Variants in RAB11FIP2 observed in about 807,000 individuals in gnomAD.
RAB11FIP2 encodes rab11 family-interacting protein 2.
Under a neutral mutation model 40.9 loss-of-function variants are expected in RAB11FIP2, and 16 were observed. That is an observed-to-expected ratio of 0.39 (90% CI 0.26 to 0.59). The LOEUF (loss-of-function observed/expected upper bound fraction) is 0.59. Ranked by LOEUF, RAB11FIP2 falls within the 20% of genes least tolerant of loss-of-function variation. The pLI is 0.53. For synonymous variants in RAB11FIP2, 228 were observed against 213.7 expected, an observed-to-expected ratio of 1.07 and a Z score of -0.58; for missense variants, 532 against 606.2, an observed-to-expected ratio of 0.88 and a Z score of 1.28.
At chr10:118,019,780 C>T (rs1463859390) in intron 3 of RAB11FIP2, among the ~76,000 whole-genome samples, 6 of 150,248 alleles carry the variant, frequency 4.0e-5, no homozygotes, top group Non-Finnish European at 8.9e-5. Flanking sequence ...GAGCCGAGAT[C>T]GCGCCACTGC....
intron 3 of RAB11FIP2, among the ~76,000 whole-genome samples, chr10:118,029,005 AAAT>A (rs1014939126): frequency 2.0e-5 from 3 of 152,024 alleles, no homozygotes; most frequent in African/African-American, 7.2e-5. Context: ...AAAAAAACTA[AAAT>A]AATATAGCAC....
intron 3 of RAB11FIP2, among the ~76,000 whole-genome samples, chr10:118,030,865 A>G (rs989162632): frequency 2.6e-5 from 4 of 152,130 alleles, no homozygotes; most frequent in African/African-American, 9.7e-5. Flanking sequence ...AGCTATTATA[A>G]TGAGTATTAG....
intron 3 of RAB11FIP2, among the ~76,000 whole-genome samples, chr10:118,030,165 T>C (rs961434221): frequency 2.6e-5 from 4 of 152,204 alleles, no homozygotes; most frequent in African/African-American, 9.6e-5. Flanking sequence ...TGTTCATTAA[T>C]GGCAATTAGC....
Position 118,006,458 on chromosome 10 carries a change from G to A in RAB11FIP2, c.*2540C>T, listed in dbSNP as rs567933096. 1.3e-5 allele frequency: 2 copies of A among 152,162 alleles called. No homozygotes were observed. The highest frequency in any genetic ancestry group is 4.8e-5 in the African/African-American group (2 of 41,502). 9.4% of individuals were successfully genotyped at this position (152,162 alleles called of 1,614,324 possible). ...ACATATATTTTATTTCCATTTCTAA[G>A]CAACTAACAAAATACATTAGAATAC... On this transcript the variant is annotated 3_prime_UTR_variant, in exon 5 of 5. Transcript: ENST00000355624.
chr10:118,018,232 T>C (rs556532732), intron 3 of RAB11FIP2: 4 of 152,202 alleles, frequency 2.6e-5, no homozygotes, highest in Non-Finnish European at 4.4e-5. Context: ...CTGTCCTTAA[T>C]GGGGAAAAAA....
intron 4 of RAB11FIP2, among the ~76,000 whole-genome samples, chr10:118,011,305 T>C (rs891468382): frequency 2.0e-5 from 3 of 152,026 alleles, no homozygotes; most frequent in Admixed American, 6.6e-5. Context: ...TCTAAAACCA[T>C]TAAAGGACAA....
intron 3 of RAB11FIP2, among the ~76,000 whole-genome samples, chr10:118,034,659 T>G (rs76941844): frequency 6.6e-6 from 1 of 152,226 alleles, no homozygotes; most frequent in South Asian, 2.1e-4. Context: ...TGAAAAAAAT[T>G]AGTTGATACT....
rs1846098174 is a variant in RAB11FIP2 at position 118,007,042 on chromosome 10, A to G, written c.*1956T>C. ...TATTATAGTATCTGCAGATACTGTC[A>G]TAATACTGAAAACATAGATTTTCAC... On this transcript the variant is annotated 3_prime_UTR_variant, in exon 5 of 5. Coordinates refer to ENST00000355624, the MANE Select transcript of RAB11FIP2 (RefSeq NM_014904.3). 1 of 152,440 alleles carries G rather than the reference A, an allele frequency of 6.6e-6. No individual in the cohort carries two copies. The highest frequency in any genetic ancestry group is 2.4e-5 in the African/African-American group (1 of 41,434). 9.4% of individuals were successfully genotyped at this position (152,440 alleles called of 1,614,324 possible).
intron 3 of RAB11FIP2, among the ~76,000 whole-genome samples, chr10:118,027,477 T>C (rs923440555): frequency 3.3e-5 from 5 of 152,218 alleles, no homozygotes; most frequent in African/African-American, 1.2e-4. Flanking sequence ...TCTTTGAAGA[T>C]AAAAAGTCTC....
In RAB11FIP2 at chr10:118,046,091, G is replaced by C; in HGVS notation, c.73C>G (p.Leu25Val). 1.2e-6 allele frequency: 2 copies of C among 1,614,222 alleles called. No individual in the cohort carries two copies. Reference protein sequence around the residue: ...VQVTVLQAKDLKPKGKSGTND... With the variant: ...VQVTVLQAKDVKPKGKSGTND... ...GTACCACTTTTGCCTTTTGGCTTCA[G>C]ATCTTTGGCTTGGAGCACTGTGACC... The change falls in exon 1 of 5, where the codon CTG (leucine) becomes GTG (valine). Residue 25 changes from leucine (L) to valine (V), a missense_variant. By Grantham distance (32) the Leu-to-Val change is conservative. Transcript: ENST00000355624.
At chr10:118,034,729 A>C (rs1846460180) in intron 3 of RAB11FIP2, among the ~76,000 whole-genome samples, 2 of 152,166 alleles carry the variant, frequency 1.3e-5, no homozygotes, top group African/African-American at 4.8e-5. Flanking sequence ...CAATTATAAA[A>C]TACAAACAAC....
chr10:118,008,991 G>A lies in RAB11FIP2; in HGVS notation c.*7C>T, dbSNP rs1370189479. On this transcript the variant is annotated 3_prime_UTR_variant, in exon 5 of 5. Coordinates refer to ENST00000355624, the MANE Select transcript of RAB11FIP2 (RefSeq NM_014904.3). The stretch of plus-strand genomic sequence containing the variant: ...GTCCAATTATCAATACAATACAATT[G>A]GCTTTATTAACTGTTAGAGAATTTG... 6.3e-7 allele frequency: 1 copy of A among 1,578,398 alleles called. No homozygotes were observed. Among genetic ancestry groups the A allele is most frequent in the Non-Finnish European group, 8.7e-7 (1 of 1,147,962 alleles).
intron 3 of RAB11FIP2, among the ~76,000 whole-genome samples, chr10:118,035,146 C>G (rs1177908791): frequency 6.6e-6 from 1 of 152,118 alleles, no homozygotes; most frequent in Non-Finnish European, 1.5e-5. Context: ...AGGAAGAAGC[C>G]TGCTTCCTGA....
intron 4 of RAB11FIP2, among the ~76,000 whole-genome samples, chr10:118,011,850 T>G (rs947035154): frequency 7.2e-5 from 11 of 152,106 alleles, no homozygotes; most frequent in African/African-American, 2.7e-4. Context: ...GATTCATTAC[T>G]GATTAGTTGA....
At chr10:118,024,997 G>A (rs1846326811) in intron 3 of RAB11FIP2, among the ~76,000 whole-genome samples, 2 of 152,248 alleles carry the variant, frequency 1.3e-5, no homozygotes, top group East Asian at 1.9e-4. Flanking sequence ...GTTGGGTGAT[G>A]CAAGCCACAG....
At position 118,005,677 on chromosome 10, in the gene RAB11FIP2, C is replaced by T. The variant is rs1351262358; in HGVS notation, c.*3321G>A. 1.3e-5 allele frequency: 2 copies of T among 152,012 alleles called. No individual in the cohort carries two copies. Among genetic ancestry groups the T allele is most frequent in the East Asian group, 3.9e-4 (2 of 5,194 alleles). 9.4% of individuals were successfully genotyped at this position (152,012 alleles called of 1,614,324 possible). A position where few individuals can be genotyped will look rare whatever the true frequency, so the allele number is the denominator to read the frequency against. On this transcript the variant is annotated 3_prime_UTR_variant, in exon 5 of 5. Transcript: ENST00000355624. ...TGATTTACAAATCCAAGGTAAATTG[C>T]TTCTTCTGAAAAGCTACAGAGGAAA...
chr10:118,019,741 G>C (rs1040003161), intron 3 of RAB11FIP2, among the ~76,000 whole-genome samples: 4 of 151,766 alleles, frequency 2.6e-5, no homozygotes, highest in African/African-American at 9.7e-5. Flanking sequence ...CAAGAGAATG[G>C]CATGAACCCG....
intron 3 of RAB11FIP2, among the ~76,000 whole-genome samples, chr10:118,015,632 G>A (rs1443513361): frequency 6.6e-6 from 1 of 152,162 alleles, no homozygotes; most frequent in Non-Finnish European, 1.5e-5. Context: ...CATTTCTCTC[G>A]TTAATGTGAT....
intron 3 of RAB11FIP2, among the ~76,000 whole-genome samples, chr10:118,036,694 T>C (rs1478055758): frequency 6.6e-6 from 1 of 152,148 alleles, no homozygotes; most frequent in African/African-American, 2.4e-5. Context: ...AATCCACAAA[T>C]GTTCTGTCCT....
Sources: allele counts gnomAD v4.1 joint callset (sites outside exome capture counted in the v4.1 genomes callset), GRCh38; gene constraint gnomAD v4.1.1; transcripts MANE v1.5; gene names NCBI Gene and HGNC (gene_info 2026-07-23, HGNC 2026-07-21).